Variants in PLPPR1 observed in about 807,000 individuals in gnomAD.
PLPPR1 encodes the protein phospholipid phosphatase-related protein type 1.
In PLPPR1, 10 loss-of-function variants were observed where a neutral mutation model predicts 33.1. That is an observed-to-expected ratio of 0.30 (90% CI 0.19 to 0.51). The LOEUF (loss-of-function observed/expected upper bound fraction) is 0.51, where lower values mean the gene tolerates loss of function less well. PLPPR1 is among the 20% of genes least tolerant of loss of function. The pLI is 0.97. For missense variants in PLPPR1, 304 were observed against 408.1 expected, an observed-to-expected ratio of 0.74 and a Z score of 2.20; for synonymous variants, 151 against 151.0, an observed-to-expected ratio of 1.00 and a Z score of 0.00.
intron 3 of PLPPR1, among the ~76,000 whole-genome samples, chr9:101,274,508 C>T (rs1828153849): frequency 6.6e-6 from 1 of 152,196 alleles, no homozygotes; most frequent in Non-Finnish European, 1.5e-5. Flanking sequence ...GCAGCGTGGC[C>T]TTGCTACCCT....
chr9:101,101,250 A>G (rs141936267), intron 1 of PLPPR1, among the ~76,000 whole-genome samples: 169 of 152,302 alleles, frequency 1.1e-3, no homozygotes, highest in African/African-American at 3.9e-3. Context: ...TTAATGTGCC[A>G]GTGATGACTT....
rs202034299 is a variant in PLPPR1 at position 101,155,393 on chromosome 9, T to C, written c.-45-30057T>C. On this transcript the variant is annotated intron_variant, in intron 1 of 7. Coordinates refer to ENST00000374874, the MANE Select transcript of PLPPR1 (RefSeq NM_207299.2). ...AGGCTTGCATCTGGTGAGAGCCTTCTTGCTGTGTCATCGCATGAGGAAGGG... is the reference window on the plus strand; with the variant it reads ...AGGCTTGCATCTGGTGAGAGCCTTCCTGCTGTGTCATCGCATGAGGAAGGG... 8.5e-5 allele frequency among the ~76,000 whole-genome samples: 13 copies of C among 152,300 alleles called. No homozygotes were observed. In the East Asian group the frequency reaches 1.7e-3, roughly 20 times the overall value.
At chr9:101,185,298 C>G (rs1826186053) in intron 1 of PLPPR1, 152 bp from the exon 2 acceptor site, 1 of 455,722 alleles carries the variant, frequency 2.2e-6, no homozygotes, top group African/African-American at 2.0e-5. Context: ...GATTATTAGT[C>G]TGACTTGACT....
At chr9:101,057,509 G>T (rs1473640269) in intron 1 of PLPPR1, among the ~76,000 whole-genome samples, 2 of 151,916 alleles carry the variant, frequency 1.3e-5, no homozygotes, top group Non-Finnish European at 2.9e-5. Flanking sequence ...TTGTGGAAAT[G>T]CACAATAAAC....
In PLPPR1 at chr9:101,263,515, C is replaced by T. The variant is rs191769177; in HGVS notation, c.64-6365C>T. Among the ~76,000 whole-genome samples, 34 of 152,288 alleles carry T rather than the reference C, an allele frequency of 2.2e-4. No individual in the cohort carries two copies. In the East Asian group the frequency reaches 3.5e-3, roughly 16 times the overall value. ...AAAATAGGAATACATAAACACACCTCACTGCATTTTTGTGAGACGATTATT... is the reference window on the plus strand; with the variant it reads ...AAAATAGGAATACATAAACACACCTTACTGCATTTTTGTGAGACGATTATT... On this transcript the variant is annotated intron_variant, in intron 2 of 7. Transcript: ENST00000374874.
At chr9:101,186,413 C>A (rs556371309) in intron 2 of PLPPR1, among the ~76,000 whole-genome samples, 1 of 151,776 alleles carries the variant, frequency 6.6e-6, no homozygotes, top group East Asian at 1.9e-4. Flanking sequence ...GTCTGGGTAA[C>A]TGAAGGATAG....
intron 1 of PLPPR1, among the ~76,000 whole-genome samples, chr9:101,163,889 A>G (rs41439450): frequency 0.026 from 3,940 of 152,266 alleles, 163 homozygotes; most frequent in African/African-American, 0.084. Context: ...TGGAGCTTCA[A>G]TGACATAGGA....
At chr9:101,175,800 T>A (rs552709871) in intron 1 of PLPPR1, among the ~76,000 whole-genome samples, 1 of 152,308 alleles carries the variant, frequency 6.6e-6, no homozygotes, top group East Asian at 1.9e-4. Flanking sequence ...TCTTGGTGGC[T>A]GCCATATGTG....
intron 5 of PLPPR1, among the ~76,000 whole-genome samples, chr9:101,310,015 C>A (rs564440877): frequency 6.6e-6 from 1 of 152,106 alleles, no homozygotes; most frequent in Non-Finnish European, 1.5e-5. Flanking sequence ...ACCTCAACAC[C>A]CCAGAGTATG....
At chr9:101,051,274 TTCTA>T (rs1830219169) in intron 1 of PLPPR1, among the ~76,000 whole-genome samples, 5 of 147,342 alleles carry the variant, frequency 3.4e-5, no homozygotes, top group South Asian at 2.1e-4. Context: ...CTACTACTAC[TTCTA>T]CTACTACTAC....
chr9:101,117,103 G>A (rs1421659834), intron 1 of PLPPR1, among the ~76,000 whole-genome samples: 1 of 152,036 alleles, frequency 6.6e-6, no homozygotes, highest in Non-Finnish European at 1.5e-5. Context: ...ATAAAAGGAA[G>A]GGGGAAAATG....
intron 2 of PLPPR1, among the ~76,000 whole-genome samples, chr9:101,206,575 G>A (rs1362481794): frequency 2.0e-5 from 3 of 152,078 alleles, no homozygotes; most frequent in Non-Finnish European, 2.9e-5. Context: ...CACAGCAAGG[G>A]GGCAGAGGTG....
chr9:101,128,097 G>C (rs141390417), intron 1 of PLPPR1, among the ~76,000 whole-genome samples: 3 of 152,256 alleles, frequency 2.0e-5, no homozygotes, highest in Admixed American at 1.3e-4. Flanking sequence ...TATGAGAATT[G>C]TGCTTATTGA....
At chr9:101,049,828 A>G (rs1247593273) in intron 1 of PLPPR1, among the ~76,000 whole-genome samples, 1 of 144,392 alleles carries the variant, frequency 6.9e-6, no homozygotes, top group Non-Finnish European at 1.5e-5. Context: ...CCTTGATTTA[A>G]AAAAAAAAAA....
chr9:101,300,874 G>A (rs1416441289), intron 4 of PLPPR1, among the ~76,000 whole-genome samples: 2 of 152,126 alleles, frequency 1.3e-5, no homozygotes, highest in Non-Finnish European at 2.9e-5. Context: ...AGCAGCATTT[G>A]GCATTATACC....
chr9:101,061,398 A>G (rs1052685138), intron 1 of PLPPR1, among the ~76,000 whole-genome samples: 3 of 151,712 alleles, frequency 2.0e-5, no homozygotes, highest in African/African-American at 7.3e-5. Flanking sequence ...TGTGTGTGTG[A>G]GAAAGAGAGG....
At position 101,317,349 on chromosome 9, in the gene PLPPR1, C is replaced by T. The variant is rs1219605034; in HGVS notation, c.814-16C>T. 4 of 1,606,218 alleles carry T rather than the reference C, an allele frequency of 2.5e-6. No homozygotes were observed. Among genetic ancestry groups the T allele is most frequent in the African/African-American group, 1.3e-5 (1 of 74,458 alleles). On this transcript the variant is annotated splice_polypyrimidine_tract_variant and intron_variant, in intron 6 of 7. Coordinates refer to ENST00000374874, the MANE Select transcript of PLPPR1 (RefSeq NM_207299.2). ...CTGCAGTCTGACCCCATTCTTTTTTCCCCCTCATCCTGCAGGGAATGTGTG... is the reference window on the plus strand; with the variant it reads ...CTGCAGTCTGACCCCATTCTTTTTTTCCCCTCATCCTGCAGGGAATGTGTG...
chr9:101,205,820 G>A (rs1186631128), intron 2 of PLPPR1, among the ~76,000 whole-genome samples: 1 of 152,174 alleles, frequency 6.6e-6, no homozygotes, highest in Non-Finnish European at 1.5e-5. Flanking sequence ...TGAGTGTCCT[G>A]TACTTACAGG....
chr9:101,098,695 G>A (rs1157894996), intron 1 of PLPPR1, among the ~76,000 whole-genome samples: 1 of 152,096 alleles, frequency 6.6e-6, no homozygotes, highest in Non-Finnish European at 1.5e-5. Flanking sequence ...TTAAAAATAG[G>A]AAAAGTGTAT....
Sources: allele counts gnomAD v4.1 joint callset (sites outside exome capture counted in the v4.1 genomes callset), GRCh38; gene constraint gnomAD v4.1.1; transcripts MANE v1.5; gene names NCBI Gene and HGNC (gene_info 2026-07-23, HGNC 2026-07-21).